Variants in TFB2M observed in about 807,000 individuals in gnomAD.
TFB2M encodes dimethyladenosine transferase 2, mitochondrial.
In TFB2M, 44 loss-of-function variants were observed where a neutral mutation model predicts 41.3. That is an observed-to-expected ratio of 1.07 (90% CI 0.84 to 1.37). The LOEUF (loss-of-function observed/expected upper bound fraction) is 1.37. Among genes scored for constraint, TFB2M ranks in the 40% most tolerant of loss-of-function variants. The pLI, the probability that TFB2M is intolerant of heterozygous loss-of-function variation, is 0.00. For synonymous variants in TFB2M, 188 were observed against 176.8 expected, an observed-to-expected ratio of 1.06 and a Z score of -0.50; for missense variants, 496 against 490.2, an observed-to-expected ratio of 1.01 and a Z score of -0.11.
intron 2 of TFB2M, among the ~76,000 whole-genome samples, chr1:246,563,068 T>C (rs966972312): frequency 2.0e-5 from 3 of 152,124 alleles, no homozygotes. Context: ...AAAAATAAAA[T>C]GTGGTGTACA....
In TFB2M at chr1:246,556,741, A is replaced by G. The variant is rs1177199914; in HGVS notation, c.557-20T>C. 6.5e-7 allele frequency: 1 copy of G among 1,535,000 alleles called. No individual in the cohort carries two copies. Among genetic ancestry groups the G allele is most frequent in the Admixed American group, 2.5e-5 (1 of 39,980 alleles). ...GGATGTCTGTTAGGAATATAAGCAA[A>G]AAGATTTGAATAAAGTTCTTAGCAT... is the stretch of plus-strand genomic sequence containing the variant. On this transcript the variant is annotated intron_variant, in intron 3 of 7. Coordinates refer to ENST00000366514, the MANE Select transcript of TFB2M (RefSeq NM_022366.3).
At chr1:246,548,995 C>G (rs554295869) in intron 5 of TFB2M, among the ~76,000 whole-genome samples, 13 of 152,294 alleles carry the variant, frequency 8.5e-5, no homozygotes, top group African/African-American at 2.9e-4. Flanking sequence ...GCCTACTAAT[C>G]AAACTATTTG....
Position 246,564,362 on chromosome 1 carries a change from A to G in TFB2M, c.386T>C (p.Phe129Ser). The G allele has an allele frequency of 6.2e-7, 1 of 1,614,160 alleles. No homozygotes were observed. Among genetic ancestry groups the G allele is most frequent in the Non-Finnish European group, 8.5e-7 (1 of 1,179,990 alleles). The change falls in exon 2 of 8, where the codon TTT becomes TCT. Residue 129 changes from phenylalanine (F) to serine (S), a missense_variant. Physicochemically the swap from Phe to Ser is radical, Grantham distance 155. Coordinates refer to ENST00000366514, the MANE Select transcript of TFB2M (RefSeq NM_022366.3). ...AAAATATACCTCCAAATGTGGAATA[A>G]AAGTTTTGTCACTTTCGAGCGCAAC... The part of the protein sequence containing the change: ...KVVALESDKT[F>S]IPHLESLGKN...
intron 6 of TFB2M, among the ~76,000 whole-genome samples, chr1:246,547,876 A>G (rs1485123463): frequency 6.6e-6 from 1 of 152,176 alleles, no homozygotes; most frequent in Non-Finnish European, 1.5e-5. Context: ...ATAAAGGCCT[A>G]ACTCCTGGGT....
chr1:246,545,019 A>C (rs958513271), intron 6 of TFB2M, among the ~76,000 whole-genome samples: 5 of 151,536 alleles, frequency 3.3e-5, no homozygotes, highest in Non-Finnish European at 5.9e-5. Flanking sequence ...GTTAGCCAGG[A>C]TGGTCTCGAT....
At chr1:246,564,024 C>T (rs1207356508) in intron 2 of TFB2M, among the ~76,000 whole-genome samples, 2 of 152,196 alleles carry the variant, frequency 1.3e-5, no homozygotes, top group African/African-American at 4.8e-5. Context: ...TCCAAGCTCA[C>T]AGAAGAAAGG....
rs1406860436 is a variant in TFB2M at position 246,548,611 on chromosome 1, G to T, written c.796-4C>A. Reference sequence around the variant, plus strand: ...TATCAAATGATGACCAAGGCTCCTGGGGAAGAAAAACAAAGCAAAACAACA... The same window carrying T: ...TATCAAATGATGACCAAGGCTCCTGTGGAAGAAAAACAAAGCAAAACAACA... On this transcript the variant is annotated splice_polypyrimidine_tract_variant and splice_region_variant and intron_variant, in intron 5 of 7. Transcript: ENST00000366514. 1.1e-5 allele frequency: 17 copies of T among 1,611,232 alleles called. No individual in the cohort carries two copies. Among genetic ancestry groups the T allele is most frequent in the Admixed American group, 1.7e-5 (1 of 59,726 alleles).
Position 246,566,054 on chromosome 1 carries a change from C to T in TFB2M, c.85G>A (p.Glu29Lys), listed in dbSNP as rs112488780. 2.5e-4 allele frequency: 398 copies of T among 1,614,186 alleles called. 1 individual carries two copies. The African/African-American group carries it at 4.8e-3, about 20-fold the overall frequency. Residue 29 changes from glutamate to lysine, a missense_variant, in exon 1 of 8, where the codon GAA becomes AAA. Glu to Lys is a moderately conservative substitution (Grantham distance 56). Coordinates refer to ENST00000366514, the MANE Select transcript of TFB2M (RefSeq NM_022366.3). ...GGCAAATGCTTTCGCGTCGCCGCTT[C>T]AGACCCTAAAATGCAAAAGCGACCA... ...GAGRFCILGS[E>K]AATRKHLPAR...
At chr1:246,542,484 C>A (rs879393359) in intron 7 of TFB2M, among the ~76,000 whole-genome samples, 6 of 151,992 alleles carry the variant, frequency 3.9e-5, no homozygotes, top group Non-Finnish European at 5.9e-5. Context: ...CTATCCTGAG[C>A]AACATAGTGA....
At chr1:246,551,141 C>T (rs1451756966) in intron 5 of TFB2M, 72 bp downstream of exon 5, 11 of 1,218,748 alleles carry the variant, frequency 9.0e-6, no homozygotes, top group Admixed American at 1.7e-5. Context: ...TGCCACTGCA[C>T]TCCAGCCTGG....
chr1:246,547,800 A>G (rs182846714), intron 6 of TFB2M, among the ~76,000 whole-genome samples: 61 of 152,272 alleles, frequency 4.0e-4, no homozygotes, highest in African/African-American at 1.3e-3. Flanking sequence ...CCTGAGATAA[A>G]CTAAATGGAG....
At chr1:246,546,983 ATTT>A (rs74163461) in intron 6 of TFB2M, among the ~76,000 whole-genome samples, 34 of 127,160 alleles carry the variant, frequency 2.7e-4, no homozygotes, top group African/African-American at 7.4e-4. Flanking sequence ...ACACACACAC[ATTT>A]TTTTTTTTTT....
rs749691364 is a variant in TFB2M at position 246,544,685 on chromosome 1, G to A, written c.859-4C>T. 6.3e-7 allele frequency: 1 copy of A among 1,580,060 alleles called. No individual in the cohort carries two copies. Among genetic ancestry groups the A allele is most frequent in the South Asian group, 1.2e-5 (1 of 84,892 alleles). ...GTTGTAATTGGTCTAATAATTCCTG[G>A]AGAGAAGAAAAAATGAATTGCATTA... On this transcript the variant is annotated splice_region_variant and splice_polypyrimidine_tract_variant and intron_variant, in intron 6 of 7. Transcript: ENST00000366514.
intron 2 of TFB2M, among the ~76,000 whole-genome samples, chr1:246,561,460 A>G (rs1429453302): frequency 2.6e-5 from 4 of 151,974 alleles, no homozygotes; most frequent in Non-Finnish European, 5.9e-5. Flanking sequence ...TTAAACTGTT[A>G]TCTTGAAGGT....
chr1:246,563,835 C>T (rs1317684578), intron 2 of TFB2M, among the ~76,000 whole-genome samples: 1 of 152,186 alleles, frequency 6.6e-6, no homozygotes, highest in Non-Finnish European at 1.5e-5. Flanking sequence ...CAAGATATCT[C>T]ATTATGTATA....
intron 3 of TFB2M, 147 bp downstream of exon 3, chr1:246,557,234 C>T: frequency 3.4e-6 from 3 of 878,854 alleles, no homozygotes; most frequent in Non-Finnish European, 5.2e-6. Flanking sequence ...GATCGCGCCA[C>T]TGCACTCCAG....
intron 5 of TFB2M, among the ~76,000 whole-genome samples, chr1:246,550,329 A>C (rs1434104962): frequency 2.6e-5 from 4 of 152,190 alleles, no homozygotes; most frequent in African/African-American, 7.2e-5. Flanking sequence ...TGTGAAGACT[A>C]AGTGTGAAGA....
chr1:246,552,520 C>T (rs1163990378), intron 4 of TFB2M, among the ~76,000 whole-genome samples: 2 of 151,278 alleles, frequency 1.3e-5, no homozygotes, highest in Non-Finnish European at 2.9e-5. Flanking sequence ...CCCTGAACAA[C>T]ACAGCATGAC....
chr1:246,555,094 C>G (rs192835188), intron 4 of TFB2M, among the ~76,000 whole-genome samples: 1 of 152,010 alleles, frequency 6.6e-6, no homozygotes, highest in African/African-American at 2.4e-5. Context: ...AAAATATATT[C>G]AACATGACTA....
Sources: gnomAD v4.1 joint callset for allele counts (sites outside exome capture counted in the v4.1 genomes callset) on GRCh38, gnomAD v4.1.1 for gene constraint, MANE v1.5 for transcripts, NCBI Gene and HGNC (gene_info 2026-07-23, HGNC 2026-07-21) for gene names.